SLC10A7: variants seen among roughly 807,000 people sequenced by gnomAD.
SLC10A7 encodes sodium/bile acid cotransporter 7.
In SLC10A7, 29 loss-of-function variants were observed where a neutral mutation model predicts 43.2. That is an observed-to-expected ratio of 0.67 (90% confidence interval 0.50 to 0.92). The LOEUF is 0.92. SLC10A7 is among the 40% of genes least tolerant of loss of function. The probability of loss-of-function intolerance (pLI) is 0.00; values close to 1 mark genes in which losing one functional copy is unlikely to be tolerated. For synonymous variants in SLC10A7, 152 were observed against 144.8 expected (o/e 1.05, Z -0.35); for missense variants, 295 against 403.2 (o/e 0.73, Z 2.30).
intron 9 of SLC10A7, among the ~76,000 whole-genome samples, chr4:146,284,915 C>T (rs1729792435): frequency 6.6e-6 from 1 of 152,090 alleles, no homozygotes; most frequent in Non-Finnish European, 1.5e-5. Flanking sequence ...AGAGTGCTTT[C>T]AGCTGAAAGA....
At chr4:146,309,772 T>A (rs191296881) in intron 6 of SLC10A7, among the ~76,000 whole-genome samples, 1 of 152,158 alleles carries the variant, frequency 6.6e-6, no homozygotes, top group Non-Finnish European at 1.5e-5. Flanking sequence ...GTAACATTTA[T>A]CGTGCACTTT....
chr4:146,488,966 A>G (rs1357207401), intron 4 of SLC10A7, among the ~76,000 whole-genome samples: 1 of 152,180 alleles, frequency 6.6e-6, no homozygotes, highest in African/African-American at 2.4e-5. Context: ...TCTATGCCAA[A>G]CACTGCACTA....
At position 146,451,775 on chromosome 4, in the gene SLC10A7, G is replaced by A. The variant is rs547392537; in HGVS notation, c.397-8954C>T. Among the ~76,000 whole-genome samples, 10 of 152,168 alleles carry A rather than the reference G, an allele frequency of 6.6e-5. No individual in the cohort carries two copies. In the South Asian group the frequency reaches 1.9e-3, roughly 28 times the overall value. On this transcript the variant is annotated intron_variant, in intron 4 of 11. Transcript: ENST00000335472. ...AAGATAAGACAAAAGAAAAGCTAGG[G>A]ATTTCCATGCAGCAAAGTTCTGGCC...
chr4:146,287,112 AGTGGTGAGAAGGACCGTGTCTG>A, intron 9 of SLC10A7, among the ~76,000 whole-genome samples: 6 of 150,078 alleles, frequency 4.0e-5, no homozygotes, highest in Non-Finnish European at 5.9e-5. Context: ...CCGAGTCTGG[AGTGGTGAGAAGGACCGTGTCTG>A]GAGTGGTGAG....
In SLC10A7 at chr4:146,521,575, G is replaced by C. The variant is rs201373111; in HGVS notation, c.100+43C>G. 4.7e-5 allele frequency: 72 copies of C among 1,548,248 alleles called. 1 individual carries two copies. In the East Asian group the frequency reaches 1.3e-3, roughly 29 times the overall value. ...TTTCCAAGACTCACAAATTAGTTCT[G>C]AAGTGGGAGCCGCGGTGGAGCCGGC... On this transcript the variant is annotated intron_variant, in intron 1 of 11. Coordinates refer to ENST00000335472, the MANE Select transcript of SLC10A7 (RefSeq NM_001029998.6).
At chr4:146,347,049 G>A (rs1242113619) in intron 5 of SLC10A7, among the ~76,000 whole-genome samples, 1 of 152,092 alleles carries the variant, frequency 6.6e-6, no homozygotes, top group African/African-American at 2.4e-5. Context: ...CCAACTGAGC[G>A]AGGGGTTTCA....
intron 7 of SLC10A7, among the ~76,000 whole-genome samples, chr4:146,301,948 AT>A (rs1731190477): frequency 1.3e-5 from 2 of 152,224 alleles, no homozygotes; most frequent in Non-Finnish European, 2.9e-5. Context: ...TTACTTTATA[AT>A]TTACTGAATA....
At chr4:146,486,656 G>C (rs926585342) in intron 4 of SLC10A7, among the ~76,000 whole-genome samples, 8 of 152,270 alleles carry the variant, frequency 5.3e-5, no homozygotes, top group African/African-American at 1.9e-4. Context: ...TAGTATTTGG[G>C]TTCATGGTAC....
At chr4:146,510,411 C>T (rs1737354778) in intron 2 of SLC10A7, among the ~76,000 whole-genome samples, 1 of 152,008 alleles carries the variant, frequency 6.6e-6, no homozygotes, top group East Asian at 1.9e-4. Flanking sequence ...AGGTGCCTGC[C>T]ACCACCATGC....
chr4:146,268,460 G>A (rs1728697846), intron 10 of SLC10A7, among the ~76,000 whole-genome samples: 1 of 152,160 alleles, frequency 6.6e-6, no homozygotes, highest in Non-Finnish European at 1.5e-5. Context: ...CATTATTCAT[G>A]TTCTAGTTTT....
intron 5 of SLC10A7, among the ~76,000 whole-genome samples, chr4:146,412,948 G>A (rs914091424): frequency 1.3e-5 from 2 of 152,050 alleles, no homozygotes; most frequent in Non-Finnish European, 2.9e-5. Context: ...CCAATGTCTA[G>A]CTTAGTTCCA....
rs370768882 is a variant in SLC10A7 at position 146,256,534 on chromosome 4, A to G, written c.994-14T>C. 1.5e-4 allele frequency: 240 copies of G among 1,613,832 alleles called. No individual in the cohort carries two copies. The highest frequency in any genetic ancestry group is 1.9e-4 in the Non-Finnish European group (229 of 1,179,758). Reference sequence around the variant, plus strand: ...CAGCTTCACTCCCTACAAGGAAGGAAAACATGTTCAGAGTTGGACAGTATC... The same window carrying G: ...CAGCTTCACTCCCTACAAGGAAGGAGAACATGTTCAGAGTTGGACAGTATC... On this transcript the variant is annotated splice_polypyrimidine_tract_variant and intron_variant, in intron 11 of 11. Transcript: ENST00000335472.
chr4:146,443,141 A>T (rs897372290), intron 4 of SLC10A7, among the ~76,000 whole-genome samples: 2 of 152,210 alleles, frequency 1.3e-5, no homozygotes, highest in African/African-American at 2.4e-5. Flanking sequence ...TTTCCTACTA[A>T]ATTTAAAACA....
chr4:146,320,798 A>G (rs1732655976), intron 6 of SLC10A7, among the ~76,000 whole-genome samples: 1 of 152,062 alleles, frequency 6.6e-6, no homozygotes, highest in African/African-American at 2.4e-5. Context: ...AAAGAGGAGT[A>G]GCAGGTGGTA....
Position 146,447,388 on chromosome 4 carries a change from T to C in SLC10A7, c.397-4567A>G, listed in dbSNP as rs1352313443. Among the ~76,000 whole-genome samples the C allele has an allele frequency of 2.0e-5, 3 of 152,138 alleles. 1 individual carries two copies. Among genetic ancestry groups the C allele is most frequent in the South Asian group, 4.1e-4 (2 of 4,828 alleles). On this transcript the variant is annotated intron_variant, in intron 4 of 11. Coordinates refer to ENST00000335472, the MANE Select transcript of SLC10A7 (RefSeq NM_001029998.6). ...CCTCCTAAATTGCTGAGATTACAGG[T>C]GTGAGTCACCATACCCAGCTTGATT...
chr4:146,284,200 C>T (rs1036921947), intron 9 of SLC10A7, among the ~76,000 whole-genome samples: 1 of 152,118 alleles, frequency 6.6e-6, no homozygotes, highest in Non-Finnish European at 1.5e-5. Flanking sequence ...TCTATTCATT[C>T]CCTGCTCTGA....
At chr4:146,341,525 T>C (rs1315054979) in intron 5 of SLC10A7, among the ~76,000 whole-genome samples, 1 of 151,794 alleles carries the variant, frequency 6.6e-6, no homozygotes, top group Non-Finnish European at 1.5e-5. Context: ...TATACATAAA[T>C]AGGATAAAAT....
At chr4:146,499,761 A>G (rs1174645327) in intron 4 of SLC10A7, among the ~76,000 whole-genome samples, 1 of 152,240 alleles carries the variant, frequency 6.6e-6, no homozygotes, top group African/African-American at 2.4e-5. Flanking sequence ...ATTTAAAGAA[A>G]TAGACTAACA....
intron 4 of SLC10A7, among the ~76,000 whole-genome samples, chr4:146,467,938 T>C (rs536954341): frequency 6.6e-6 from 1 of 152,242 alleles, no homozygotes; most frequent in East Asian, 1.9e-4. Flanking sequence ...CAGCACCCTG[T>C]ACAAGGATAG....
Sources: allele counts gnomAD v4.1 joint callset (sites outside exome capture counted in the v4.1 genomes callset), GRCh38; gene constraint gnomAD v4.1.1; transcripts MANE v1.5; gene names NCBI Gene and HGNC (gene_info 2026-07-23, HGNC 2026-07-21).